The following NAPA variants were observed in gnomAD, a reference collection of about 807,000 sequenced individuals.
NAPA encodes alpha-soluble NSF attachment protein.
Under a neutral mutation model 48.0 loss-of-function variants are expected in NAPA, and 18 were observed. The ratio of observed to expected loss-of-function variants is 0.38; its 90% CI spans 0.26 to 0.56. The LOEUF is 0.56. Ranked by LOEUF, NAPA falls within the 20% of genes least tolerant of loss-of-function variation. The pLI is 0.77. For missense variants in NAPA, 315 were observed against 385.0 expected (o/e 0.82, Z 1.52); for synonymous variants, 152 against 149.9 (o/e 1.01, Z -0.10).
intron 1 of NAPA, among the ~76,000 whole-genome samples, chr19:47,510,621 T>C (rs565237528): frequency 2.4e-4 from 37 of 152,284 alleles, no homozygotes; most frequent in African/African-American, 7.2e-4. Flanking sequence ...TTTGGCTATT[T>C]TGGGGACAGG....
Position 47,503,522 on chromosome 19 carries a change from A to T in NAPA, c.99-20T>A. ...GAGCCTCTGGGGAAAAAGGAAAGAA[A>T]AAAAGGAGACAATCTAGTCGGCTAT... On this transcript the variant is annotated intron_variant, in intron 1 of 10. Transcript: ENST00000263354. 1 of 1,609,896 alleles carries T rather than the reference A, an allele frequency of 6.2e-7. No individual in the cohort carries two copies. The highest frequency in any genetic ancestry group is 8.5e-7 in the Non-Finnish European group (1 of 1,176,030).
At chr19:47,508,328 C>A (rs1022301309) in intron 1 of NAPA, among the ~76,000 whole-genome samples, 3 of 152,290 alleles carry the variant, frequency 2.0e-5, no homozygotes, top group Non-Finnish European at 4.4e-5. Context: ...CTGAAGGCAC[C>A]GCCACCAGTA....
intron 7 of NAPA, 116 bp downstream of exon 7, chr19:47,492,845 G>T: frequency 1.1e-6 from 1 of 947,192 alleles, no homozygotes. Context: ...TGTCGGGGGA[G>T]AGGCAGAGGG....
chr19:47,501,778 C>T (rs1437729669), intron 2 of NAPA, among the ~76,000 whole-genome samples: 2 of 152,192 alleles, frequency 1.3e-5, no homozygotes, highest in Admixed American at 6.5e-5. Flanking sequence ...CAGCTCAGCT[C>T]TGAGGCTTCT....
chr19:47,495,741 T>TCA, intron 3 of NAPA, 145 bp from the exon 4 acceptor site: 1 of 730,832 alleles, frequency 1.4e-6, no homozygotes, highest in Non-Finnish European at 2.4e-6. Context: ...CCACACACTC[T>TCA]CAAGGGGCTG....
chr19:47,499,745 C>T (rs964799122), intron 3 of NAPA, among the ~76,000 whole-genome samples: 3 of 152,264 alleles, frequency 2.0e-5, no homozygotes, highest in Admixed American at 6.5e-5. Context: ...TTCTCAAACA[C>T]GCCATGTGAA....
intron 1 of NAPA, among the ~76,000 whole-genome samples, chr19:47,511,222 G>A (rs1471069804): frequency 3.3e-5 from 5 of 152,206 alleles, no homozygotes; most frequent in Non-Finnish European, 7.3e-5. Flanking sequence ...GAATAAAGGT[G>A]GGTTATGAAA....
At chr19:47,496,994 C>A in intron 3 of NAPA, 1 of 331,232 alleles carries the variant, frequency 3.0e-6, no homozygotes. Context: ...GAAACGGTGG[C>A]AAAAAGGGGG....
At chr19:47,497,993 G>A (rs934675522) in intron 3 of NAPA, among the ~76,000 whole-genome samples, 1 of 152,196 alleles carries the variant, frequency 6.6e-6, no homozygotes, top group African/African-American at 2.4e-5. Flanking sequence ...CAGCAGCCAT[G>A]GTTGGGTAAC....
chr19:47,488,118 G>A lies in NAPA; in HGVS notation c.*170C>T. 1 of 597,278 alleles carries A rather than the reference G, an allele frequency of 1.7e-6. No individual in the cohort carries two copies. The highest frequency in any genetic ancestry group is 3.0e-6 in the Non-Finnish European group (1 of 334,868). The allele number at this position is 597,278 out of a possible 1,614,324, so 37.0% of individuals were successfully genotyped here. A position where few individuals can be genotyped will look rare whatever the true frequency, so the allele number is the denominator to read the frequency against. ...AGAACAGAGGGTGACTGTCCGGCCA[G>A]CAGCCTGGGCCTCTGGCGCCCCTGC... On this transcript the variant is annotated 3_prime_UTR_variant, in exon 11 of 11. Transcript: ENST00000263354.
chr19:47,510,188 A>G (rs1472707265), intron 1 of NAPA, among the ~76,000 whole-genome samples: 1 of 152,220 alleles, frequency 6.6e-6, no homozygotes, highest in Non-Finnish European at 1.5e-5. Context: ...CTGCAGAGGA[A>G]GGCGGTCTGG....
downstream of NAPA, among the ~76,000 whole-genome samples, chr19:47,486,878 C>G (rs944572275): frequency 6.6e-6 from 1 of 152,236 alleles, no homozygotes; most frequent in Non-Finnish European, 1.5e-5. Context: ...TGGAGCCCCT[C>G]TCCCAGGAGT....
At chr19:47,503,364 G>T in intron 2 of NAPA, 59 bp downstream of exon 2, 3 of 1,491,992 alleles carry the variant, frequency 2.0e-6, no homozygotes, top group South Asian at 1.1e-5. Context: ...AGGCCTGTGT[G>T]AGTGGAAGCT....
At chr19:47,492,183 G>T in intron 7 of NAPA, 64 bp from the exon 8 acceptor site, 1 of 1,420,706 alleles carries the variant, frequency 7.0e-7, no homozygotes, top group Non-Finnish European at 9.9e-7. Flanking sequence ...CAGAGCCACT[G>T]CCAGGCACTG....
intron 1 of NAPA, among the ~76,000 whole-genome samples, chr19:47,514,530 T>TC (rs1324557213): frequency 1.3e-5 from 2 of 152,020 alleles, no homozygotes; most frequent in Non-Finnish European, 2.9e-5. Flanking sequence ...GTCCAGGTTC[T>TC]CCCCCGCCCG....
downstream of NAPA, among the ~76,000 whole-genome samples, chr19:47,485,864 G>A (rs533871151): frequency 2.0e-5 from 3 of 152,184 alleles, no homozygotes; most frequent in Non-Finnish European, 4.4e-5. Context: ...GTGAATATTC[G>A]CTGAGGGAGT....
In NAPA at chr19:47,493,533, C is replaced by A; in HGVS notation, c.343-40G>T. 6.3e-7 allele frequency: 1 copy of A among 1,579,488 alleles called. No homozygotes were observed. ...GGAAGGGGCTGCCTGCGACTCATGA[C>A]CTCCTGCGTGCCTGCCTGCTGACCT... On this transcript the variant is annotated intron_variant, in intron 4 of 10. Coordinates refer to ENST00000263354, the MANE Select transcript of NAPA (RefSeq NM_003827.4). This position sits in a 1 kb window ranked among gnomAD's most constrained non-coding sequence, Gnocchi z 6.4.
At chr19:47,496,506 CAG>C (rs1385285702) in intron 3 of NAPA, 1 of 156,506 alleles carries the variant, frequency 6.4e-6, no homozygotes, top group Non-Finnish European at 1.4e-5. Flanking sequence ...CTCAGGAGGA[CAG>C]GGGTGTTGTG....
chr19:47,492,903 G>A (rs770065550), intron 7 of NAPA, 58 bp downstream of exon 7: 2 of 1,548,310 alleles, frequency 1.3e-6, no homozygotes, highest in African/African-American at 1.4e-5. Flanking sequence ...GGGCTTAGGA[G>A]GAGGCACAGG....
Sources: gnomAD v4.1 joint callset for allele counts (sites outside exome capture counted in the v4.1 genomes callset) on GRCh38, gnomAD v4.1.1 for gene constraint, Gnocchi (gnomAD v3.1) non-coding constraint, MANE v1.5 for transcripts, NCBI Gene and HGNC (gene_info 2026-07-23, HGNC 2026-07-21) for gene names.